The following VRK1 variants were observed in gnomAD, a reference collection of about 807,000 sequenced individuals.
VRK1 encodes the protein VRK serine/threonine kinase 1, also known as serine/threonine-protein kinase VRK1.
In VRK1, 33 loss-of-function variants were observed where a neutral mutation model predicts 57.1. That is an observed-to-expected ratio of 0.58 (90% CI 0.44 to 0.77). The LOEUF is 0.77. Ranked by LOEUF, VRK1 falls within the 30% of genes least tolerant of loss-of-function variation. VRK1 has a pLI of 0.00. For synonymous variants in VRK1, 137 were observed against 147.8 expected (o/e 0.93, Z 0.53); for missense variants, 413 against 477.3 (o/e 0.87, Z 1.25).
intron 2 of VRK1, among the ~76,000 whole-genome samples, chr14:96,834,033 C>T (rs990724801): frequency 3.3e-5 from 5 of 152,080 alleles, no homozygotes; most frequent in African/African-American, 7.2e-5. Flanking sequence ...TTTTTTCTTT[C>T]AGTGCAACCC....
chr14:96,816,980 T>G (rs1203627577), intron 1 of VRK1, among the ~76,000 whole-genome samples: 2 of 152,220 alleles, frequency 1.3e-5, no homozygotes, highest in Non-Finnish European at 2.9e-5. Context: ...ATGGTGGATT[T>G]ATTTTTAAAA....
At chr14:96,858,232 C>T (rs2139809272) in intron 10 of VRK1, among the ~76,000 whole-genome samples, 1 of 152,182 alleles carries the variant, frequency 6.6e-6, no homozygotes, top group East Asian at 1.9e-4. Context: ...GCTGGGACTA[C>T]AGGCACACGC....
In VRK1 at chr14:96,853,123, T is replaced by C. The variant is rs1888016669; in HGVS notation, c.533T>C (p.Ile178Thr). Reference protein sequence around the residue: ...IHEHEYVHGDIKASNLLLNYK... With the variant: ...IHEHEYVHGDTKASNLLLNYK... ...GAGCATGAGTATGTGCATGGAGATA[T>C]CAAGGCCTCAAATCTTCTTCTGAAC... Residue 178 changes from isoleucine (I) to threonine (T), a missense_variant, in exon 7 of 13, where the codon ATC becomes ACC. Ile to Thr is a moderately conservative substitution (Grantham distance 89). Coordinates refer to ENST00000216639, the MANE Select transcript of VRK1 (RefSeq NM_003384.3). The C allele has an allele frequency of 6.2e-7, 1 of 1,613,736 alleles. No individual in the cohort carries two copies. Among genetic ancestry groups the C allele is most frequent in the Non-Finnish European group, 8.5e-7 (1 of 1,179,850 alleles).
chr14:96,798,847 G>A (rs1186620502), intron 1 of VRK1, among the ~76,000 whole-genome samples: 1 of 152,182 alleles, frequency 6.6e-6, no homozygotes, highest in Non-Finnish European at 1.5e-5. Flanking sequence ...GGGTAGATAA[G>A]ATTATGTTCA....
intron 11 of VRK1, among the ~76,000 whole-genome samples, chr14:96,872,097 G>A (rs1294878960): frequency 1.3e-5 from 2 of 152,126 alleles, no homozygotes; most frequent in African/African-American, 2.4e-5. Flanking sequence ...GAGCTACTGC[G>A]CCGGGCCTCT....
chr14:96,849,230 G>A (rs1180872736), intron 5 of VRK1, among the ~76,000 whole-genome samples: 8 of 152,068 alleles, frequency 5.3e-5, no homozygotes, highest in Admixed American at 3.9e-4. Context: ...TGTCTAAAGG[G>A]GAGTAAGACA....
At chr14:96,829,202 T>A (rs897345342) in intron 1 of VRK1, among the ~76,000 whole-genome samples, 2 of 151,324 alleles carry the variant, frequency 1.3e-5, no homozygotes, top group Non-Finnish European at 2.9e-5. Context: ...AGTGTTTTCT[T>A]TTAATTTTTT....
At chr14:96,857,829 C>T (rs955694424) in intron 10 of VRK1, among the ~76,000 whole-genome samples, 1 of 152,152 alleles carries the variant, frequency 6.6e-6, no homozygotes, top group African/African-American at 2.4e-5. Flanking sequence ...AGAATTATCC[C>T]ATGGACCTCA....
intron 12 of VRK1, among the ~76,000 whole-genome samples, chr14:96,880,910 G>GT (rs1215915402): frequency 1.3e-5 from 2 of 152,066 alleles, no homozygotes; most frequent in Non-Finnish European, 2.9e-5. Flanking sequence ...AATTAGATAC[G>GT]TTTTATCAGT....
At chr14:96,833,909 C>G (rs17094508) in intron 2 of VRK1, among the ~76,000 whole-genome samples, 1 of 152,122 alleles carries the variant, frequency 6.6e-6, no homozygotes, top group Admixed American at 6.6e-5. Flanking sequence ...TCTTTTGAGA[C>G]CCAAAGAAAC....
chr14:96,830,817 G>A (rs905439357), intron 1 of VRK1, among the ~76,000 whole-genome samples: 1 of 152,144 alleles, frequency 6.6e-6, no homozygotes, highest in African/African-American at 2.4e-5. Flanking sequence ...TTTTTGTGTA[G>A]TATTCCAAAA....
At chr14:96,862,436 A>G (rs1359291689) in intron 11 of VRK1, among the ~76,000 whole-genome samples, 1 of 152,064 alleles carries the variant, frequency 6.6e-6, no homozygotes, top group African/African-American at 2.4e-5. Flanking sequence ...AAAGAAATTA[A>G]TAAAAGTTAA....
At chr14:96,870,092 T>G (rs1250152240) in intron 11 of VRK1, among the ~76,000 whole-genome samples, 1 of 152,216 alleles carries the variant, frequency 6.6e-6, no homozygotes, top group Admixed American at 6.5e-5. Context: ...TAATAGGATA[T>G]TGACCCTTTA....
intron 5 of VRK1, 111 bp downstream of exon 5, chr14:96,847,455 C>G (rs1240823117): frequency 6.0e-6 from 5 of 830,952 alleles, no homozygotes; most frequent in African/African-American, 5.1e-5. Flanking sequence ...AGGCCTCCCT[C>G]TGGAGTATGT....
chr14:96,865,177 A>G (rs927046326), intron 11 of VRK1, among the ~76,000 whole-genome samples: 5 of 152,178 alleles, frequency 3.3e-5, no homozygotes, highest in African/African-American at 1.2e-4. Context: ...TGTTATTTTC[A>G]AGAAAGTTTA....
At chr14:96,798,596 A>G (rs1470485866) in intron 1 of VRK1, among the ~76,000 whole-genome samples, 1 of 151,990 alleles carries the variant, frequency 6.6e-6, no homozygotes. Context: ...TTAAACTGGA[A>G]TTGCCCATCT....
At chr14:96,865,937 A>AT (rs1485410626) in intron 11 of VRK1, among the ~76,000 whole-genome samples, 1 of 151,854 alleles carries the variant, frequency 6.6e-6, no homozygotes, top group Non-Finnish European at 1.5e-5. Context: ...CATTTCCTCT[A>AT]TTTTTTAAAA....
intron 5 of VRK1, 85 bp from the exon 6 acceptor site, chr14:96,852,746 G>A (rs915524591): frequency 1.3e-5 from 12 of 954,172 alleles, no homozygotes; most frequent in South Asian, 2.7e-5. Flanking sequence ...ACATTGTCTT[G>A]AAAAAATTAC....
At chr14:96,801,638 T>G (rs1279670442) in intron 1 of VRK1, among the ~76,000 whole-genome samples, 4 of 152,216 alleles carry the variant, frequency 2.6e-5, no homozygotes, top group Non-Finnish European at 5.9e-5. Context: ...CCTCAAAAGC[T>G]TAACCACTCA....
Sources: allele counts gnomAD v4.1 joint callset (sites outside exome capture counted in the v4.1 genomes callset), GRCh38; gene constraint gnomAD v4.1.1; transcripts MANE v1.5; gene names NCBI Gene and HGNC (gene_info 2026-07-23, HGNC 2026-07-21).